Variants in CDKL5 observed in about 807,000 individuals in gnomAD.
The protein encoded by CDKL5 is cyclin dependent kinase like 5.
In CDKL5, 8 loss-of-function variants were observed where a neutral mutation model predicts 61.7. The observed-to-expected ratio is 0.13, with a 90% CI of 0.08 to 0.23. The LOEUF (loss-of-function observed/expected upper bound fraction) is 0.23, where lower values mean the gene tolerates loss of function less well. Ranked by LOEUF, CDKL5 falls within the 10% of genes least tolerant of loss-of-function variation. CDKL5 has a pLI of 1.00. For synonymous variants in CDKL5, 275 were observed against 272.3 expected (o/e 1.01, Z -0.10); for missense variants, 440 against 734.5 (o/e 0.60, Z 4.63).
At chrX:18,458,410 A>G (rs1382918212) in intron 1 of CDKL5, among the ~76,000 whole-genome samples, 1 of 112,187 alleles carries the variant, frequency 8.9e-6, no homozygotes, top group Non-Finnish European at 1.9e-5. Context: ...TTCTAGCTAC[A>G]TGTGGCTATG....
chrX:18,653,133 C>G (rs913695280), intron 21 of CDKL5, among the ~76,000 whole-genome samples: 2 of 112,269 alleles, frequency 1.8e-5, no homozygotes, highest in Non-Finnish European at 3.8e-5. Flanking sequence ...ATCATAAGCT[C>G]AAGCATCATA....
At chrX:18,490,525 C>T (rs1921958343) in intron 1 of CDKL5, among the ~76,000 whole-genome samples, 1 of 110,674 alleles carries the variant, frequency 9.0e-6, no homozygotes, top group African/African-American at 3.3e-5. Context: ...TGGAAACGTA[C>T]CAAAGCTTCA....
At chrX:18,450,020 C>A (rs1283562726) in intron 1 of CDKL5, among the ~76,000 whole-genome samples, 1 of 112,188 alleles carries the variant, frequency 8.9e-6, no homozygotes, top group Non-Finnish European at 1.9e-5. Flanking sequence ...GTCTCGATCT[C>A]TTGACCTCGT....
chrX:18,450,773 C>T (rs1241045549), intron 1 of CDKL5, among the ~76,000 whole-genome samples: 1 of 111,154 alleles, frequency 9.0e-6, no homozygotes, highest in Non-Finnish European at 1.9e-5. Flanking sequence ...TGGCGTTTCA[C>T]CATGTTGGCC....
chrX:18,593,977 T>C (rs1359348673), intron 9 of CDKL5, among the ~76,000 whole-genome samples: 2 of 112,418 alleles, frequency 1.8e-5, no homozygotes, highest in African/African-American at 6.5e-5. Context: ...TTGCACAGTT[T>C]AACATTGATT....
chrX:18,615,888 A>G (rs756104833), intron 15 of CDKL5, among the ~76,000 whole-genome samples: 4 of 112,579 alleles, frequency 3.6e-5, no homozygotes, highest in Non-Finnish European at 5.6e-5. Context: ...ATATTGCAGT[A>G]TGATATCCAG....
At chrX:18,643,725 A>C (rs1927666884), downstream of CDKL5, among the ~76,000 whole-genome samples, 2 of 111,459 alleles carry the variant, frequency 1.8e-5, no homozygotes, top group Admixed American at 1.9e-4. Context: ...ACTTAACCTG[A>C]TTAAATGTTG....
At chrX:18,444,465 T>G (rs1931827179) in intron 1 of CDKL5, among the ~76,000 whole-genome samples, 1 of 111,406 alleles carries the variant, frequency 9.0e-6, no homozygotes, top group African/African-American at 3.3e-5. Context: ...TATACAAATA[T>G]ATATGTGTGT....
At chrX:18,599,181 AT>A (rs1297912591) in intron 11 of CDKL5, among the ~76,000 whole-genome samples, 1 of 112,470 alleles carries the variant, frequency 8.9e-6, no homozygotes, top group Non-Finnish European at 1.9e-5. Flanking sequence ...TTTAAATATT[AT>A]TTTTCAGCAT....
At chrX:18,587,750 T>A in intron 8 of CDKL5, 2 of 438,476 alleles carry the variant, frequency 4.6e-6, no homozygotes, top group Non-Finnish European at 7.9e-6. Context: ...CTAACTAAAT[T>A]GTTATTAAAT....
chrX:18,426,307 G>T (rs1931367115), intron 1 of CDKL5: 1 of 113,042 alleles, frequency 8.8e-6, no homozygotes, highest in African/African-American at 3.2e-5. Context: ...GCATAGTGCG[G>T]GGAAGAAGAA....
rs762212053 is a variant in CDKL5 at position 18,592,079 on chromosome X, G to A, written c.745-3269G>A. 2.0e-4 allele frequency among the ~76,000 whole-genome samples: 23 copies of A among 112,259 alleles called. No homozygotes were observed. In the East Asian group the frequency reaches 3.4e-3, roughly 16 times the overall value. ...ATTAACTGCTGGAACATTAAGCCTG[G>A]TTTGCTGGCTGACTTGTTCTTGGCC... On this transcript the variant is annotated intron_variant, in intron 9 of 17. Transcript: ENST00000623535.
At position 18,507,120 on chromosome X, in the gene CDKL5, T is replaced by C. The variant is rs1465523714; in HGVS notation, c.24T>C (p.Asn8=). The C allele has an allele frequency of 8.3e-7, 1 of 1,203,541 alleles. No homozygotes were observed. Residue 8 remains asparagine (N), a synonymous_variant, in exon 2 of 18, where the codon AAT becomes AAC. Coordinates refer to ENST00000623535, the MANE Select transcript of CDKL5 (RefSeq NM_001323289.2). MKIPNIG[N]VMNKFEILGV... is the part of the protein sequence containing the mutation. ...TCATGAAGATTCCTAACATTGGTAA[T>C]GTGATGAATAAATTTGAGATCCTTG... is the stretch of plus-strand genomic sequence containing the variant.
In CDKL5 at chrX:18,595,282, TCA is replaced by T. The variant is rs937340686; in HGVS notation, c.745-63_745-62del. On this transcript the variant is annotated intron_variant, in intron 9 of 17. Transcript: ENST00000623535. ...GCTTATCTGCTCCCTTCTGCAACAC[TCA>T]CAAGCACGTGCACACACATGTCCTT... 8.0e-6 allele frequency: 6 copies of T among 750,378 alleles called. No individual in the cohort carries two copies. In the Admixed American group the frequency reaches 1.1e-4, roughly 14 times the overall value. 61.8% of individuals were successfully genotyped at this position (750,378 alleles called of 1,213,427 possible).
intron 8 of CDKL5, among the ~76,000 whole-genome samples, chrX:18,586,644 T>A (rs1432860724): frequency 8.9e-6 from 1 of 112,164 alleles, no homozygotes; most frequent in Non-Finnish European, 1.9e-5. Context: ...CCTTTTGAAA[T>A]CAGGTATTTG....
chrX:18,507,275 GTGTC>G (rs1378381205), intron 2 of CDKL5, 115 bp downstream of exon 2: 33 of 489,684 alleles, frequency 6.7e-5, no homozygotes, highest in East Asian at 4.3e-4. Flanking sequence ...ATTCACATGT[GTGTC>G]TAAGAGTAAA....
intron 3 of CDKL5, among the ~76,000 whole-genome samples, chrX:18,526,325 G>C (rs185259633): frequency 2.6e-3 from 287 of 111,879 alleles, no homozygotes; most frequent in African/African-American, 9.0e-3. Context: ...AGTAGTTCCA[G>C]GTTTTTCTTT....
intron 1 of CDKL5, among the ~76,000 whole-genome samples, chrX:18,491,296 G>A (rs1921987761): frequency 1.8e-5 from 2 of 111,987 alleles, no homozygotes; most frequent in South Asian, 7.4e-4. Flanking sequence ...CTAGTGTTTA[G>A]AATTAAATTG....
chrX:18,603,818 A>G, intron 11 of CDKL5, 84 bp from the exon 12 acceptor site: 1 of 1,062,966 alleles, frequency 9.4e-7, no homozygotes. Context: ...AGGTGTTTTG[A>G]GTATTTGTTC....
Sources: allele counts gnomAD v4.1 joint callset (sites outside exome capture counted in the v4.1 genomes callset), GRCh38; gene constraint gnomAD v4.1.1; transcripts MANE v1.5; gene names NCBI Gene and HGNC (gene_info 2026-07-23, HGNC 2026-07-21).